The following SAMTOR variants were observed in gnomAD, a reference collection of about 807,000 sequenced individuals.
The protein encoded by SAMTOR is UPF0532 protein C7orf60.
chr7:112,933,879 C>T, the SAMTOR span, among the ~76,000 whole-genome samples: 1 of 152,098 alleles, frequency 6.6e-6, no homozygotes, highest in African/African-American at 2.4e-5. Flanking sequence ...TGGCCTTAGA[C>T]GCTTTAAAGC....
chr7:112,882,777 A>G, the SAMTOR span, among the ~76,000 whole-genome samples: 5 of 151,658 alleles, frequency 3.3e-5, no homozygotes, highest in Non-Finnish European at 7.4e-5. Context: ...AAAAAAAAAA[A>G]AAAAAAAAAG....
the SAMTOR span, among the ~76,000 whole-genome samples, chr7:112,902,665 A>G: frequency 1.3e-5 from 2 of 151,952 alleles, no homozygotes; most frequent in East Asian, 1.9e-4. Flanking sequence ...AAGTTTAACA[A>G]CTCTAACAAA....
the SAMTOR span, among the ~76,000 whole-genome samples, chr7:112,902,416 C>CAAAAAAAAAAAAAAAAAAAAA: frequency 1.2e-3 from 15 of 12,318 alleles, 2 homozygotes; most frequent in Admixed American, 4.8e-3. Context: ...AACTCCGTCT[C>CAAAAAAAAAAAAAAAAAAAAA]AAAAAAAAAA....
chr7:112,858,223 A>G, the SAMTOR span, among the ~76,000 whole-genome samples: 2 of 152,114 alleles, frequency 1.3e-5, no homozygotes, highest in Middle Eastern at 3.2e-3. Flanking sequence ...TTTAGTAAGA[A>G]CTATGAAACA....
the SAMTOR span, among the ~76,000 whole-genome samples, chr7:112,867,897 G>A: frequency 1.3e-5 from 2 of 152,190 alleles, no homozygotes; most frequent in Non-Finnish European, 2.9e-5. Flanking sequence ...AGCAGGAGGT[G>A]AGCGGCCAGT....
the SAMTOR span, among the ~76,000 whole-genome samples, chr7:112,918,791 T>C: frequency 6.6e-6 from 1 of 152,086 alleles, no homozygotes; most frequent in Non-Finnish European, 1.5e-5. Context: ...AGGCAGCAGG[T>C]GCAATCCTAG....
the SAMTOR span, among the ~76,000 whole-genome samples, chr7:112,837,072 G>A: frequency 6.6e-6 from 1 of 152,074 alleles, no homozygotes; most frequent in Non-Finnish European, 1.5e-5. Context: ...TCCTATCCAT[G>A]AGCATGAAAT....
the SAMTOR span, chr7:112,819,403 T>C: frequency 6.6e-6 from 1 of 152,208 alleles, no homozygotes; most frequent in Non-Finnish European, 1.5e-5. Flanking sequence ...CAAAATGAAA[T>C]AATTCTTAGG....
At chr7:112,887,760 T>A in the SAMTOR span, among the ~76,000 whole-genome samples, 1 of 152,184 alleles carries the variant, frequency 6.6e-6, no homozygotes, top group Non-Finnish European at 1.5e-5. Flanking sequence ...TTTTTATTCT[T>A]TTACTATTGA....
At chr7:112,928,980 A>C in the SAMTOR span, among the ~76,000 whole-genome samples, 1 of 151,948 alleles carries the variant, frequency 6.6e-6, no homozygotes, top group Admixed American at 6.6e-5. Context: ...TATATGTGAA[A>C]AAAATGAATA....
chr7:112,925,769 G>A, the SAMTOR span, among the ~76,000 whole-genome samples: 417 of 147,786 alleles, frequency 2.8e-3, 3 homozygotes, highest in Non-Finnish European at 3.4e-3. Flanking sequence ...ACTCCAACCT[G>A]GGTGACAAGA....
At chr7:112,854,823 T>C in the SAMTOR span, among the ~76,000 whole-genome samples, 1,117 of 152,174 alleles carry the variant, frequency 7.3e-3, 15 homozygotes, top group African/African-American at 0.026. Context: ...GGTTTCTAAG[T>C]AAAATATCTG....
At chr7:112,926,814 G>A in the SAMTOR span, among the ~76,000 whole-genome samples, 6 of 151,902 alleles carry the variant, frequency 3.9e-5, no homozygotes, top group African/African-American at 7.2e-5. Flanking sequence ...TGAACCTGAC[G>A]GGTTCCCTAT....
chr7:112,891,383 T>TA, the SAMTOR span, among the ~76,000 whole-genome samples: 1 of 152,230 alleles, frequency 6.6e-6, no homozygotes, highest in South Asian at 2.1e-4. Flanking sequence ...CAACATGATT[T>TA]AAAATCAAAG....
the SAMTOR span, among the ~76,000 whole-genome samples, chr7:112,887,727 C>T: frequency 6.6e-6 from 1 of 152,068 alleles, no homozygotes; most frequent in Non-Finnish European, 1.5e-5. Flanking sequence ...AATATGTAGT[C>T]GTAGAATTGT....
At chr7:112,843,710 G>T in the SAMTOR span, among the ~76,000 whole-genome samples, 2 of 151,828 alleles carry the variant, frequency 1.3e-5, no homozygotes, top group Non-Finnish European at 2.9e-5. Context: ...TACAGCTGTA[G>T]AATTCTACAA....
At chr7:112,857,799 C>G in the SAMTOR span, among the ~76,000 whole-genome samples, 1 of 150,766 alleles carries the variant, frequency 6.6e-6, no homozygotes, top group South Asian at 2.1e-4. Context: ...CATGAAGAAG[C>G]AACCTGGCTG....
the SAMTOR span, among the ~76,000 whole-genome samples, chr7:112,894,389 C>T: frequency 6.6e-6 from 1 of 152,132 alleles, no homozygotes; most frequent in Non-Finnish European, 1.5e-5. Context: ...CCAAAACAGA[C>T]ATCATAATAA....
chr7:112,939,622 G>GA, the SAMTOR span: 2 of 1,614,014 alleles, frequency 1.2e-6, no homozygotes, highest in Non-Finnish European at 1.7e-6. Flanking sequence ...GCCGCCGGTG[G>GA]ACGCTCTTCA....
Sources: allele counts gnomAD v4.1 joint callset (sites outside exome capture counted in the v4.1 genomes callset), GRCh38; gene constraint gnomAD v4.1.1; transcripts MANE v1.5; gene names NCBI Gene and HGNC (gene_info 2026-07-23, HGNC 2026-07-21).